Variants in TSHZ3 observed in about 807,000 individuals in gnomAD.
The protein encoded by TSHZ3 is teashirt homolog 3.
TSHZ3 carries 10 observed loss-of-function variants against 64.5 expected under a neutral mutation model. The observed-to-expected ratio is 0.16, with a 90% CI of 0.10 to 0.26. The LOEUF is 0.26. TSHZ3 is among the 10% of genes least tolerant of loss of function. The pLI, the probability that TSHZ3 is intolerant of heterozygous loss-of-function variation, is 1.00. For missense variants in TSHZ3, 1,242 were observed against 1,421.7 expected, an observed-to-expected ratio of 0.87 and a Z score of 2.03; for synonymous variants, 608 against 593.1, an observed-to-expected ratio of 1.03 and a Z score of -0.36.
chr19:31,346,293 C>T (rs1427208010), intron 1 of TSHZ3, among the ~76,000 whole-genome samples: 1 of 152,102 alleles, frequency 6.6e-6, no homozygotes, highest in Non-Finnish European at 1.5e-5. Context: ...ACATGATTAT[C>T]CAGGTACCAA....
downstream of TSHZ3, among the ~76,000 whole-genome samples, chr19:31,270,111 C>G (rs562607898): frequency 6.6e-6 from 1 of 152,202 alleles, no homozygotes; most frequent in South Asian, 2.1e-4. Context: ...CTTCATACAC[C>G]GGTGCCTGTA....
intron 1 of TSHZ3, among the ~76,000 whole-genome samples, chr19:31,256,288 C>A (rs1208254901): frequency 6.6e-6 from 1 of 152,136 alleles, no homozygotes; most frequent in Admixed American, 6.5e-5. Context: ...CCCTTTACAT[C>A]TCATTAGAAT....
intron 4 of TSHZ3, among the ~76,000 whole-genome samples, chr19:31,218,400 A>G (rs1975359147): frequency 6.6e-6 from 1 of 152,230 alleles, no homozygotes; most frequent in Admixed American, 6.5e-5. Flanking sequence ...CACTGACAAC[A>G]CTAAATGCTG....
At chr19:31,257,115 T>C (rs1293666455) in intron 1 of TSHZ3, among the ~76,000 whole-genome samples, 2 of 152,054 alleles carry the variant, frequency 1.3e-5, no homozygotes, top group African/African-American at 4.8e-5. Context: ...CAGGGAGCGC[T>C]TTGTAGGAGA....
chr19:31,349,768 C>G (rs2021652358), upstream of TSHZ3, among the ~76,000 whole-genome samples: 1 of 148,220 alleles, frequency 6.7e-6, no homozygotes, highest in African/African-American at 2.5e-5. Context: ...GGGGGACGCG[C>G]AGCCGCCGCC....
In TSHZ3 at chr19:31,279,400, C is replaced by G. The variant is rs1299443363; in HGVS notation, c.393G>C (p.Trp131Cys). ...GGTGCAGGTTGAGGTTGAGGTTGGA[C>G]CAGTAGGAGTTGGAGAGGAAGTTGT... ...VYNNFLSNSY[W>C]SNLNLNLHQP... is the part of the protein sequence containing the mutation. The change falls in exon 2 of 2, where the codon TGG becomes TGC. Residue 131 changes from tryptophan (W) to cysteine (C), a missense_variant. Coordinates refer to ENST00000240587, the MANE Select transcript of TSHZ3 (RefSeq NM_020856.4). This position sits in a 1 kb window ranked among gnomAD's most constrained non-coding sequence, Gnocchi z 6.4. 1 of 1,614,168 alleles carries G rather than the reference C, an allele frequency of 6.2e-7. No homozygotes were observed. Among genetic ancestry groups the G allele is most frequent in the Non-Finnish European group, 8.5e-7 (1 of 1,180,026 alleles).
intron 1 of TSHZ3, among the ~76,000 whole-genome samples, chr19:31,317,911 T>C (rs1916650388): frequency 6.6e-6 from 1 of 152,230 alleles, no homozygotes; most frequent in Non-Finnish European, 1.5e-5. Context: ...CCCAGCCGTA[T>C]TGACTCATTT....
chr19:31,347,791 G>T (rs559415461), intron 1 of TSHZ3, among the ~76,000 whole-genome samples: 1 of 152,258 alleles, frequency 6.6e-6, no homozygotes, highest in Admixed American at 6.5e-5. Flanking sequence ...TACATTTCTG[G>T]GAGAAGAGAG....
intron 1 of TSHZ3, among the ~76,000 whole-genome samples, chr19:31,305,317 G>T (rs1218001713): frequency 5.0e-5 from 7 of 139,546 alleles, no homozygotes; most frequent in Non-Finnish European, 1.1e-4. Context: ...TGTCTGGAAA[G>T]GAAAAAAAAA....
At chr19:31,202,521 C>A (rs972303910) in intron 5 of TSHZ3, among the ~76,000 whole-genome samples, 4 of 152,056 alleles carry the variant, frequency 2.6e-5, no homozygotes, top group African/African-American at 9.7e-5. Context: ...CCAAGTAATA[C>A]TCCACTGTTT....
In TSHZ3 at chr19:31,282,097, G is replaced by T. The variant is rs1449724448; in HGVS notation, c.41-2345C>A. Among the ~76,000 whole-genome samples the T allele has an allele frequency of 3.3e-5, 5 of 152,294 alleles. No homozygotes were observed. The South Asian group carries it at 8.3e-4, about 25-fold the overall frequency. On this transcript the variant is annotated intron_variant, in intron 1 of 1. Coordinates refer to ENST00000240587, the MANE Select transcript of TSHZ3 (RefSeq NM_020856.4). The stretch of plus-strand genomic sequence containing the variant: ...GAGCAGAGTAGGCTGGGTTTAGCTA[G>T]ACACAGCCCACTGTCTGCAGAAGTG...
chr19:31,286,593 C>A (rs1351348854), intron 1 of TSHZ3, among the ~76,000 whole-genome samples: 1 of 152,246 alleles, frequency 6.6e-6, no homozygotes, highest in Non-Finnish European at 1.5e-5. Flanking sequence ...CCCTCTGCTG[C>A]AACCCCTCGG....
chr19:31,344,892 C>T (rs913055081), intron 1 of TSHZ3, among the ~76,000 whole-genome samples: 9 of 152,182 alleles, frequency 5.9e-5, no homozygotes, highest in African/African-American at 2.2e-4. Flanking sequence ...TTTAGGGAAT[C>T]GCTGCTGAGG....
intron 1 of TSHZ3, among the ~76,000 whole-genome samples, chr19:31,324,766 G>A (rs987407023): frequency 6.6e-6 from 1 of 152,294 alleles, no homozygotes; most frequent in African/African-American, 2.4e-5. Context: ...AGTCCAGAGG[G>A]GAAAACCCTT....
chr19:31,188,350 C>A (rs1974845067), intron 5 of TSHZ3, among the ~76,000 whole-genome samples: 2 of 151,582 alleles, frequency 1.3e-5, no homozygotes, highest in Non-Finnish European at 3.0e-5. Context: ...CTTTCCAAAC[C>A]CGATGAATTT....
chr19:31,253,945 G>C (rs1376031931), intron 1 of TSHZ3, among the ~76,000 whole-genome samples: 2 of 152,154 alleles, frequency 1.3e-5, no homozygotes, highest in African/African-American at 2.4e-5. Context: ...ACATCCAGCT[G>C]TCAAAGGCTG....
chr19:31,257,713 C>T (rs897433499), intron 1 of TSHZ3, among the ~76,000 whole-genome samples: 10 of 152,176 alleles, frequency 6.6e-5, no homozygotes, highest in East Asian at 1.9e-4. Context: ...CTGGGGAAGA[C>T]GCGAGGGGCT....
In TSHZ3 at chr19:31,279,418, G is replaced by T; in HGVS notation, c.375C>A (p.Phe125Leu). The stretch of plus-strand genomic sequence containing the variant: ...GGTTGGACCAGTAGGAGTTGGAGAG[G>T]AAGTTGTTGTACACGGCCTTCATCT... ...LEQMKAVYNN[F>L]LSNSYWSNLN... The change falls in exon 2 of 2, where the codon TTC becomes TTA. Residue 125 changes from phenylalanine (F) to leucine (L), a missense_variant. This residue lies in a region of TSHZ3 where 555 missense variants were observed against 704.0 expected (regional missense o/e 0.79). Coordinates refer to ENST00000240587, the MANE Select transcript of TSHZ3 (RefSeq NM_020856.4). This position sits in a 1 kb window ranked among gnomAD's most constrained non-coding sequence, Gnocchi z 6.4. 6.2e-7 allele frequency: 1 copy of T among 1,614,222 alleles called. No individual in the cohort carries two copies. The highest frequency in any genetic ancestry group is 8.5e-7 in the Non-Finnish European group (1 of 1,180,042).
At chr19:31,350,664 G>C (rs1032359854), upstream of TSHZ3, among the ~76,000 whole-genome samples, 1 of 151,550 alleles carries the variant, frequency 6.6e-6, no homozygotes, top group Non-Finnish European at 1.5e-5. Context: ...GACTGGCCGC[G>C]GCAAGAAGGA....
Sources: gnomAD v4.1 joint callset for allele counts (sites outside exome capture counted in the v4.1 genomes callset) on GRCh38, gnomAD v4.1.1 for gene constraint, gnomAD v4.1.1 regional missense constraint, Gnocchi (gnomAD v3.1) non-coding constraint, MANE v1.5 for transcripts, NCBI Gene and HGNC (gene_info 2026-07-23, HGNC 2026-07-21) for gene names.